Variants in AKAP11 observed in about 807,000 individuals in gnomAD.
AKAP11 encodes the protein A-kinase anchoring protein 11.
AKAP11 carries 36 observed loss-of-function variants against 146.1 expected under a neutral mutation model. The ratio of observed to expected loss-of-function variants is 0.25; its 90% CI spans 0.19 to 0.33. The LOEUF (loss-of-function observed/expected upper bound fraction) is 0.33. Ranked by LOEUF, AKAP11 falls within the 10% of genes least tolerant of loss-of-function variation. The pLI, the probability that AKAP11 is intolerant of heterozygous loss-of-function variation, is 1.00. For missense variants in AKAP11, 2,201 were observed against 2,197.0 expected, an observed-to-expected ratio of 1.00 and a Z score of -0.04; for synonymous variants, 780 against 786.5, an observed-to-expected ratio of 0.99 and a Z score of 0.14.
At chr13:42,316,895 G>GT (rs1388878982) in intron 11 of AKAP11, among the ~76,000 whole-genome samples, 3 of 152,130 alleles carry the variant, frequency 2.0e-5, no homozygotes, top group Non-Finnish European at 2.9e-5. Context: ...GGTTTTGTTT[G>GT]TTTTTTGGGA....
In AKAP11 at chr13:42,299,621, G is replaced by A. The variant is rs1387326603; in HGVS notation, c.875G>A (p.Ser292Asn). The A allele has an allele frequency of 1.2e-6, 2 of 1,613,962 alleles. No individual in the cohort carries two copies. Among genetic ancestry groups the A allele is most frequent in the South Asian group, 2.2e-5 (2 of 91,074 alleles). The change falls in exon 8 of 13, where the codon AGT becomes AAT. Residue 292 changes from serine (S) to asparagine (N), a missense_variant. Ser to Asn is a conservative substitution (Grantham distance 46). Coordinates refer to ENST00000025301, the MANE Select transcript of AKAP11 (RefSeq NM_016248.4). ...TCATCTAATGCTTCAGATAAAGATA[G>A]TGATTTACAGAAAACATTTTTTTCG... ...YRSSNASDKD[S>N]DLQKTFFSSS...
intron 10 of AKAP11, 90 bp from the exon 11 acceptor site, chr13:42,313,804 T>A: frequency 9.2e-7 from 1 of 1,088,194 alleles, no homozygotes; most frequent in East Asian, 2.5e-5. Context: ...TATTGTAACA[T>A]TCATTCATTA....
intron 9 of AKAP11, among the ~76,000 whole-genome samples, chr13:42,310,048 G>GA (rs550332406): frequency 6.6e-6 from 1 of 152,100 alleles, no homozygotes; most frequent in Non-Finnish European, 1.5e-5. Flanking sequence ...AACACAGGCT[G>GA]AAAAAAGAAT....
chr13:42,301,567 C>T lies in AKAP11; in HGVS notation c.2821C>T (p.Arg941Trp), dbSNP rs199850448. ...ASSNKDMFAD[R>W]LSKSIIKHSI... ...TAGCAATAAGGACATGTTTGCTGAC[C>T]GGTTATCTAAATCTATTATTAAACA... Residue 941 changes from arginine (R) to tryptophan (W), a missense_variant, in exon 8 of 13, where the codon CGG becomes TGG. Physicochemically the swap from Arg to Trp is moderately radical, Grantham distance 101. Around this residue, in one of 3 missense-constraint regions of AKAP11, gnomAD observed 1,867 missense variants for 1,833.5 expected, o/e 1.02. Coordinates refer to ENST00000025301, the MANE Select transcript of AKAP11 (RefSeq NM_016248.4). 1.0e-4 allele frequency: 169 copies of T among 1,613,878 alleles called. 2 individuals carry two copies. The highest frequency in any genetic ancestry group is 1.2e-4 in the Admixed American group (7 of 59,982).
Position 42,300,388 on chromosome 13 carries a change from G to C in AKAP11, c.1642G>C (p.Asp548His), listed in dbSNP as rs1338761791. Residue 548 changes from aspartate (D) to histidine (H), a missense_variant, in exon 8 of 13, where the codon GAT (aspartate) becomes CAT (histidine). Physicochemically the swap from Asp to His is moderately conservative, Grantham distance 81. This residue lies in a region of AKAP11 where 1,867 missense variants were observed against 1,833.5 expected (regional missense o/e 1.02). Transcript: ENST00000025301. ...KSKNKSLMIK[D>H]SIQKFAADLV... The stretch of plus-strand genomic sequence containing the variant: ...TAAAAATAAATCCTTAATGATTAAA[G>C]ATAGCATTCAAAAATTTGCAGCAGA... 2 of 1,610,692 alleles carry C rather than the reference G, an allele frequency of 1.2e-6. No homozygotes were observed. Among genetic ancestry groups the C allele is most frequent in the Non-Finnish European group, 1.7e-6 (2 of 1,179,094 alleles).
At chr13:42,295,594 A>AT in intron 4 of AKAP11, 101 bp from the exon 5 acceptor site, 1 of 1,148,566 alleles carries the variant, frequency 8.7e-7, no homozygotes, top group South Asian at 1.3e-5. Context: ...AGCAGACAGC[A>AT]TTTTAATGCT....
In AKAP11 at chr13:42,321,226, T is replaced by C. The variant is rs768697504; in HGVS notation, c.*1998T>C. 3.3e-5 allele frequency: 5 copies of C among 152,368 alleles called. No individual in the cohort carries two copies. Among genetic ancestry groups the C allele is most frequent in the Non-Finnish European group, 7.3e-5 (5 of 68,032 alleles). The allele number at this position is 152,368 out of a possible 1,614,324, so 9.4% of individuals were successfully genotyped here. ...TGCACAAGTTTGATCAACAGCAAAA[T>C]AGAGTTCTGAATTTCTTTTAAAGTG... On this transcript the variant is annotated 3_prime_UTR_variant, in exon 13 of 13. Transcript: ENST00000025301.
chr13:42,308,353 T>A (rs1006086001), intron 8 of AKAP11, 101 bp from the exon 9 acceptor site: 48 of 1,008,824 alleles, frequency 4.8e-5, no homozygotes, highest in Non-Finnish European at 6.1e-5. Flanking sequence ...CCGAATACCA[T>A]TTCTTGTTTT....
intron 3 of AKAP11, among the ~76,000 whole-genome samples, chr13:42,289,558 C>T (rs78794097): frequency 0.035 from 5,396 of 152,186 alleles, 126 homozygotes; most frequent in Middle Eastern, 0.051. Flanking sequence ...TTGTCTCAGG[C>T]TCATAACTTT....
At chr13:42,274,376 A>G (rs1445901753) in intron 1 of AKAP11, among the ~76,000 whole-genome samples, 2 of 152,162 alleles carry the variant, frequency 1.3e-5, no homozygotes, top group East Asian at 3.8e-4. Flanking sequence ...CCTTACATAT[A>G]AAAGTTTATT....
rs757724827 is a variant in AKAP11 at position 42,302,889 on chromosome 13, G to A, written c.4143G>A (p.Gln1381=). The A allele has an allele frequency of 1.2e-6, 2 of 1,613,978 alleles. No homozygotes were observed. The highest frequency in any genetic ancestry group is 2.2e-5 in the South Asian group (2 of 91,064). ...LAYRSVKSGL[Q]EAAKTTKVQC... ...ACCGATCTGTTAAATCAGGATTACA[G>A]GAAGCAGCTAAGACAACCAAAGTGC... The change falls in exon 8 of 13, where the codon CAG becomes CAA. Residue 1381 remains glutamine, a synonymous_variant. Coordinates refer to ENST00000025301, the MANE Select transcript of AKAP11 (RefSeq NM_016248.4).
chr13:42,272,946 T>G lies in AKAP11; in HGVS notation c.-100+718T>G, dbSNP rs534171491. ...GACAATGACAGTAAAAGCTAACATTTTTTCTCTTCCCCATATTACCAGCTT... is the reference window on the plus strand; with the variant it reads ...GACAATGACAGTAAAAGCTAACATTGTTTCTCTTCCCCATATTACCAGCTT... On this transcript the variant is annotated intron_variant, in intron 1 of 12. Coordinates refer to ENST00000025301, the MANE Select transcript of AKAP11 (RefSeq NM_016248.4). Among the ~76,000 whole-genome samples the G allele has an allele frequency of 3.2e-4, 48 of 152,312 alleles. 1 individual carries two copies. The highest frequency in any genetic ancestry group is 8.7e-4 in the African/African-American group (36 of 41,570).
chr13:42,292,625 G>A (rs1479181341), intron 4 of AKAP11, 124 bp downstream of exon 4: 1 of 525,512 alleles, frequency 1.9e-6, no homozygotes, highest in Non-Finnish European at 3.2e-6. Context: ...ACATGTATCA[G>A]AAGTACCTGT....
intron 8 of AKAP11, among the ~76,000 whole-genome samples, chr13:42,305,856 C>T (rs1409854809): frequency 6.6e-6 from 1 of 152,160 alleles, no homozygotes. Context: ...AGGAGACTTA[C>T]AGTCATGGCA....
Position 42,301,922 on chromosome 13 carries a change from C to G in AKAP11, c.3176C>G (p.Ser1059Cys), listed in dbSNP as rs1959938373. The G allele has an allele frequency of 6.2e-7, 1 of 1,614,044 alleles. No individual in the cohort carries two copies. Among genetic ancestry groups the G allele is most frequent in the Admixed American group, 1.7e-5 (1 of 60,008 alleles). ...NLNSTSLEAL[S>C]FGQENPFPHS... ...AATAGTACATCACTTGAGGCCTTGT[C>G]TTTTGGACAGGAAAACCCCTTTCCT... is the stretch of plus-strand genomic sequence containing the variant. Residue 1059 changes from serine (S) to cysteine (C), a missense_variant, in exon 8 of 13, where the codon TCT becomes TGT. Physicochemically the swap from Ser to Cys is moderately radical, Grantham distance 112. Transcript: ENST00000025301.
Position 42,303,437 on chromosome 13 carries a change from C to G in AKAP11, c.4691C>G (p.Ser1564Cys). ...CTAGGATCTACAGTGTTCCGAGTGTCTGAGACCACAAAATCAGCAGACAGG... is the reference window on the plus strand; with the variant it reads ...CTAGGATCTACAGTGTTCCGAGTGTGTGAGACCACAAAATCAGCAGACAGG... ...LTLGSTVFRV[S>C]ETTKSADRVT... Residue 1564 changes from serine (S) to cysteine (C), a missense_variant, in exon 8 of 13, where the codon TCT becomes TGT. Transcript: ENST00000025301. The G allele has an allele frequency of 6.2e-7, 1 of 1,614,132 alleles. No individual in the cohort carries two copies.
chr13:42,290,816 G>A (rs189559101), intron 3 of AKAP11, among the ~76,000 whole-genome samples: 1 of 152,202 alleles, frequency 6.6e-6, no homozygotes, highest in Admixed American at 6.5e-5. Flanking sequence ...ACAGTTAGAT[G>A]TTCCAGGCTC....
At chr13:42,298,465 A>T (rs2138569412) in intron 6 of AKAP11, 68 bp from the exon 7 acceptor site, 1 of 1,512,272 alleles carries the variant, frequency 6.6e-7, no homozygotes, top group Non-Finnish European at 9.0e-7. Flanking sequence ...TCTTATATCT[A>T]GGCTTTACTT....
rs758117031 is a variant in AKAP11 at position 42,300,344 on chromosome 13, T to G, written c.1598T>G (p.Leu533Arg). The G allele has an allele frequency of 6.2e-7, 1 of 1,606,204 alleles. No individual in the cohort carries two copies. Among genetic ancestry groups the G allele is most frequent in the Non-Finnish European group, 8.5e-7 (1 of 1,177,708 alleles). ...ACTGTAACTTTTAAGCATGGAAACCTTGATCAAAAAAATAAATCTAAAAAT... is the reference window on the plus strand; with the variant it reads ...ACTGTAACTTTTAAGCATGGAAACCGTGATCAAAAAAATAAATCTAAAAAT... Reference protein sequence around the residue: ...NKTVTFKHGNLDQKNKSKNKS... With the variant: ...NKTVTFKHGNRDQKNKSKNKS... The change falls in exon 8 of 13, where the codon CTT (leucine) becomes CGT (arginine). Residue 533 changes from leucine (L) to arginine (R), a missense_variant. Transcript: ENST00000025301.
Sources: allele counts gnomAD v4.1 joint callset (sites outside exome capture counted in the v4.1 genomes callset), GRCh38; gene constraint gnomAD v4.1.1; regional missense constraint gnomAD v4.1.1; transcripts MANE v1.5; gene names NCBI Gene and HGNC (gene_info 2026-07-23, HGNC 2026-07-21).